The following IFT172 variants were observed in gnomAD, a reference collection of about 807,000 sequenced individuals.
IFT172 encodes the protein intraflagellar transport 172.
Under a neutral mutation model 248.9 loss-of-function variants are expected in IFT172, and 164 were observed. The observed-to-expected ratio is 0.66, with a 90% CI of 0.58 to 0.75. IFT172 has a LOEUF of 0.75. Ranked by LOEUF, IFT172 falls within the 30% of genes least tolerant of loss-of-function variation. IFT172 has a pLI of 0.00. For missense variants in IFT172, 1,950 were observed against 2,192.4 expected (o/e 0.89, Z 2.21); for synonymous variants, 729 against 791.6 (o/e 0.92, Z 1.33).
At chr2:27,456,763 G>A in intron 29 of IFT172, 110 bp from the exon 30 acceptor site, 3 of 1,461,318 alleles carry the variant, frequency 2.1e-6, no homozygotes, top group Non-Finnish European at 2.7e-6. Context: ...AACAGGAAGA[G>A]GCTGGGTGTG....
chr2:27,452,845 A>G (rs952609794), intron 35 of IFT172, among the ~76,000 whole-genome samples: 2 of 152,242 alleles, frequency 1.3e-5, no homozygotes, highest in African/African-American at 4.8e-5. Flanking sequence ...ATATGACTGT[A>G]TATATCCTGT....
chr2:27,488,270 C>T (rs1006035209), intron 1 of IFT172, among the ~76,000 whole-genome samples: 1 of 152,194 alleles, frequency 6.6e-6, no homozygotes, highest in African/African-American at 2.4e-5. Context: ...TCTCCTTCCT[C>T]AGCCTCCTGA....
Position 27,459,423 on chromosome 2 carries a change from G to C in IFT172, c.2742C>G (p.Tyr914Ter). 6.2e-7 allele frequency: 1 copy of C among 1,614,228 alleles called. No homozygotes were observed. The highest frequency in any genetic ancestry group is 8.5e-7 in the Non-Finnish European group (1 of 1,180,054). The change falls in exon 25 of 48, where the codon TAC becomes TAG. Residue 914 changes from tyrosine to a stop codon, truncating the protein, a stop_gained. Transcript: ENST00000260570. LOFTEE classifies it high-confidence loss of function. ...DLQDRNTASKYYPLVAQHYAS... is the reference protein window; with the variant it reads ...DLQDRNTASK ...CATAGTGTTGGGCCACGAGAGGATA[G>C]TATTTGGATGCAGTGTTCCGGTCCT... is the stretch of plus-strand genomic sequence containing the variant.
rs776148073 is a variant in IFT172, at chr2:27,459,470, C to T, written c.2695G>A (p.Ala899Thr). 1.4e-5 allele frequency: 23 copies of T among 1,614,066 alleles called. No individual in the cohort carries two copies. Among genetic ancestry groups the T allele is most frequent in the Non-Finnish European group, 1.9e-5 (22 of 1,180,044 alleles). The change falls in exon 25 of 48, where the codon GCA becomes ACA. Residue 899 changes from alanine (A) to threonine (T), a missense_variant. Physicochemically the swap from Ala to Thr is moderately conservative, Grantham distance 58. Around this residue, in one of 3 missense-constraint regions of IFT172, gnomAD observed 1,166 missense variants for 1,254.1 expected, o/e 0.93. Coordinates refer to ENST00000260570, the MANE Select transcript of IFT172 (RefSeq NM_015662.3). Reference protein sequence around the residue: ...AALGARQWKKAIYILDLQDRN... With the variant: ...AALGARQWKKTIYILDLQDRN... ...TCCTGTAGATCTAATATATAAATTG[C>T]CTTCTTCCACTGGCGGGCACCCAGG...
chr2:27,451,989 G>GTATA (rs68147754), intron 35 of IFT172, among the ~76,000 whole-genome samples: 16 of 148,512 alleles, frequency 1.1e-4, no homozygotes, highest in Admixed American at 4.0e-4. Flanking sequence ...ATGTGTGTGT[G>GTATA]TATATATATA....
At position 27,481,175 on chromosome 2, in the gene IFT172, A is replaced by C. The variant is rs1668330295; in HGVS notation, c.656T>G (p.Ile219Ser). The change falls in exon 8 of 48, where the codon ATT becomes AGT. Residue 219 changes from isoleucine to serine, a missense_variant. Ile to Ser is a moderately radical substitution (Grantham distance 142). Coordinates refer to ENST00000260570, the MANE Select transcript of IFT172 (RefSeq NM_015662.3). ...SIVAAGCDRKIVAYGKEGHML... is the reference protein window; with the variant it reads ...SIVAAGCDRKSVAYGKEGHML... ...GTGACCTTCTTTTCCATAGGCTACA[A>C]TTTTCCGATCACAGCCTGCAGCCAC... 1 of 1,613,160 alleles carries C rather than the reference A, an allele frequency of 6.2e-7. No homozygotes were observed. The highest frequency in any genetic ancestry group is 8.5e-7 in the Non-Finnish European group (1 of 1,179,970).
chr2:27,464,590 T>TA (rs768353256), intron 18 of IFT172, among the ~76,000 whole-genome samples: 4 of 151,674 alleles, frequency 2.6e-5, no homozygotes, highest in Non-Finnish European at 5.9e-5. Context: ...GAAGGGGCAG[T>TA]AAAAATAATA....
At chr2:27,449,053 G>T (rs779213520) in intron 39 of IFT172, 22 bp from the exon 40 acceptor site, 4 of 1,372,952 alleles carry the variant, frequency 2.9e-6, no homozygotes, top group Non-Finnish European at 4.2e-6. Context: ...TGGAGGAAAA[G>T]CATGAGTGAG....
intron 42 of IFT172, 198 bp from the exon 43 acceptor site, chr2:27,446,553 G>A (rs558232139): frequency 5.2e-5 from 27 of 516,950 alleles, no homozygotes; most frequent in South Asian, 1.3e-4. Flanking sequence ...CAATTCTTTC[G>A]CCCAGGCTGG....
intron 14 of IFT172, among the ~76,000 whole-genome samples, chr2:27,475,183 A>G (rs1667876514): frequency 6.6e-6 from 1 of 151,944 alleles, no homozygotes; most frequent in Admixed American, 6.6e-5. Context: ...GAAGTCAGGC[A>G]ATTTCAAGTA....
Position 27,483,609 on chromosome 2 carries a change from T to C in IFT172, c.453A>G (p.Thr151=). Residue 151 remains threonine (T), a synonymous_variant, in exon 6 of 48, where the codon ACA becomes ACG. Coordinates refer to ENST00000260570, the MANE Select transcript of IFT172 (RefSeq NM_015662.3). The part of the protein sequence containing the change: ...KTNKSSTIYG[T]ESYVVSLTTN... ...TTGTCAGGGACACCACGTAAGACTC[T>C]GTCCCATAGATGGTAGATGATTTAT... is the stretch of plus-strand genomic sequence containing the variant. The C allele has an allele frequency of 6.2e-7, 1 of 1,614,206 alleles. No homozygotes were observed. The highest frequency in any genetic ancestry group is 8.5e-7 in the Non-Finnish European group (1 of 1,180,034).
intron 1 of IFT172, 48 bp downstream of exon 1, chr2:27,489,567 C>T (rs772429580): frequency 6.7e-7 from 1 of 1,485,698 alleles, no homozygotes; most frequent in Non-Finnish European, 9.4e-7. Flanking sequence ...CCCCACTTTT[C>T]TTGGAACATA....
At chr2:27,446,859 C>T (rs1665166525) in intron 42 of IFT172, among the ~76,000 whole-genome samples, 1 of 151,436 alleles carries the variant, frequency 6.6e-6, no homozygotes, top group Non-Finnish European at 1.5e-5. Flanking sequence ...GCCACCGTGC[C>T]TGGCTAATTT....
Position 27,445,279 on chromosome 2 carries a change from G to A in IFT172, c.5068+17C>T. 1.2e-6 allele frequency: 2 copies of A among 1,604,668 alleles called. No homozygotes were observed. The highest frequency in any genetic ancestry group is 1.7e-6 in the Non-Finnish European group (2 of 1,174,140). ...TTCTACCCACCACAGGATCTGGGGT[G>A]CTGTAGGCTTCTATACCTGTAATAA... On this transcript the variant is annotated intron_variant, in intron 46 of 47. Transcript: ENST00000260570. The surrounding 1 kb of genome is among the most constrained non-coding windows in gnomAD (Gnocchi z 4.4).
chr2:27,445,439 C>G lies in IFT172; in HGVS notation c.4925G>C (p.Arg1642Thr). ...AAGCACCCAGTCTCGAACCTCTTCT[C>G]TCTCAGCCTCCTGGAAAGGACAAGA... ...PAKQHVPEAEREEVRDWVLTV... is the reference protein window; with the variant it reads ...PAKQHVPEAETEEVRDWVLTV... Residue 1642 changes from arginine to threonine, a missense_variant, in exon 46 of 48, where the codon AGA becomes ACA. Physicochemically the swap from Arg to Thr is moderately conservative, Grantham distance 71. Transcript: ENST00000260570. The surrounding 1 kb of genome is among the most constrained non-coding windows in gnomAD (Gnocchi z 4.4). 6.2e-7 allele frequency: 1 copy of G among 1,610,582 alleles called. No homozygotes were observed.
intron 1 of IFT172, among the ~76,000 whole-genome samples, 186 bp downstream of exon 1, chr2:27,489,429 G>T (rs1669002392): frequency 6.6e-6 from 1 of 152,218 alleles, no homozygotes; most frequent in Non-Finnish European, 1.5e-5. Flanking sequence ...TGTAAGGAAA[G>T]CTACAAGTCC....
At position 27,472,331 on chromosome 2, in the gene IFT172, G is replaced by A. The variant is rs780600337; in HGVS notation, c.1443C>T (p.Thr481=). The change falls in exon 15 of 48, where the codon ACC becomes ACT. Residue 481 remains threonine, a synonymous_variant. Transcript: ENST00000260570. Reference sequence around the variant, plus strand: ...AATCCACACGGCTCTCATGGCTGACGGTGCCAATGTTGTAGCCACCAATCA... The same window carrying A: ...AATCCACACGGCTCTCATGGCTGACAGTGCCAATGTTGTAGCCACCAATCA... ...VDLIGGYNIG[T]VSHESRVDWL... 1.5e-5 allele frequency: 24 copies of A among 1,613,900 alleles called. No individual in the cohort carries two copies. The highest frequency in any genetic ancestry group is 6.6e-5 in the South Asian group (6 of 91,072).
At chr2:27,487,732 A>G (rs1668867973) in intron 1 of IFT172, among the ~76,000 whole-genome samples, 1 of 151,784 alleles carries the variant, frequency 6.6e-6, no homozygotes, top group East Asian at 2.0e-4. Flanking sequence ...AGCTGGGATT[A>G]CAGGCATGCG....
At chr2:27,464,591 A>T (rs892722415) in intron 18 of IFT172, among the ~76,000 whole-genome samples, 1 of 152,138 alleles carries the variant, frequency 6.6e-6, no homozygotes, top group African/African-American at 2.4e-5. Flanking sequence ...AAGGGGCAGT[A>T]AAAATAATAA....
Sources: gnomAD v4.1 joint callset for allele counts (sites outside exome capture counted in the v4.1 genomes callset) on GRCh38, gnomAD v4.1.1 for gene constraint, gnomAD v4.1.1 regional missense constraint, Gnocchi (gnomAD v3.1) non-coding constraint, MANE v1.5 for transcripts, NCBI Gene and HGNC (gene_info 2026-07-23, HGNC 2026-07-21) for gene names.